GFRA2: variants seen among roughly 807,000 people sequenced by gnomAD.
The protein encoded by GFRA2 is GDNF family receptor alpha 2.
In GFRA2, 17 loss-of-function variants were observed where a neutral mutation model predicts 48.3. That is an observed-to-expected ratio of 0.35 (90% CI 0.24 to 0.53). The LOEUF is 0.53. GFRA2 is among the 20% of genes least tolerant of loss of function. The probability of loss-of-function intolerance (pLI) is 0.93; values close to 1 mark genes in which losing one functional copy is unlikely to be tolerated. For missense variants in GFRA2, 660 were observed against 637.3 expected (o/e 1.04, Z -0.38); for synonymous variants, 305 against 257.2 (o/e 1.19, Z -1.78).
At chr8:21,755,982 C>T (rs1419379227) in intron 3 of GFRA2, among the ~76,000 whole-genome samples, 1 of 152,200 alleles carries the variant, frequency 6.6e-6, no homozygotes, top group East Asian at 1.9e-4. Flanking sequence ...CCCAGGCCAG[C>T]CGTAGGACGC....
intron 4 of GFRA2, among the ~76,000 whole-genome samples, chr8:21,721,168 G>T (rs1004454632): frequency 1.3e-5 from 2 of 152,164 alleles, no homozygotes; most frequent in Non-Finnish European, 2.9e-5. Context: ...CAGATCTTCA[G>T]CTAGCAGCAA....
intron 1 of GFRA2, among the ~76,000 whole-genome samples, chr8:21,783,747 C>G (rs1030602548): frequency 2.6e-5 from 4 of 151,952 alleles, no homozygotes; most frequent in African/African-American, 9.7e-5. Flanking sequence ...TTTTGGCAAG[C>G]CTGGGGAGCA....
chr8:21,740,920 C>T lies in GFRA2; in HGVS notation c.794+9668G>A, dbSNP rs574487773. On this transcript the variant is annotated intron_variant, in intron 4 of 8. Coordinates refer to ENST00000524240, the MANE Select transcript of GFRA2 (RefSeq NM_001495.5). ...CCACAGACCAGGTATATCACTTCTA[C>T]CTCCGAAATATCTCCAATTTATCCA... 2.6e-5 allele frequency among the ~76,000 whole-genome samples: 4 copies of T among 152,346 alleles called. No individual in the cohort carries two copies. In the South Asian group the frequency reaches 6.2e-4, roughly 24 times the overall value.
intron 4 of GFRA2, among the ~76,000 whole-genome samples, chr8:21,728,367 C>T (rs769647967): frequency 4.0e-5 from 6 of 150,384 alleles, no homozygotes; most frequent in Non-Finnish European, 5.9e-5. Flanking sequence ...CTCTGCCTCC[C>T]GGGTTCAAGC....
chr8:21,788,134 A>T lies in GFRA2; in HGVS notation c.26T>A (p.Leu9His), dbSNP rs1807378528. 13 of 1,597,014 alleles carry T rather than the reference A, an allele frequency of 8.1e-6. No individual in the cohort carries two copies. In the Admixed American group the frequency reaches 2.2e-4, roughly 27 times the overall value. The change falls in exon 1 of 9, where the codon CTC (leucine) becomes CAC (histidine). Residue 9 changes from leucine (L) to histidine (H), a missense_variant. Physicochemically the swap from Leu to His is moderately conservative, Grantham distance 99. Transcript: ENST00000524240. MILANVFC[L>H]FFFLDETLRS... ...CAGGTACTCACCTAGAAAGAAGAAG[A>T]GGCAGAAGACGTTTGCCAAGATCAT...
At chr8:21,757,186 C>T (rs1283017088) in intron 3 of GFRA2, among the ~76,000 whole-genome samples, 2 of 152,088 alleles carry the variant, frequency 1.3e-5, no homozygotes, top group East Asian at 1.9e-4. Context: ...CTGAGGAATG[C>T]ACAACCAGAG....
intron 4 of GFRA2, among the ~76,000 whole-genome samples, chr8:21,719,010 C>T (rs4739284): frequency 0.036 from 5,439 of 152,148 alleles, 157 homozygotes; most frequent in Non-Finnish European, 0.055. Context: ...TGCCACCTGC[C>T]TCCTTGGCCC....
intron 2 of GFRA2, among the ~76,000 whole-genome samples, chr8:21,800,762 A>T (rs1318296210): frequency 6.6e-6 from 1 of 152,108 alleles, no homozygotes; most frequent in Non-Finnish European, 1.5e-5. Context: ...CCATCTCTAT[A>T]CAAATAAAAA....
Position 21,788,233 on chromosome 8 carries a change from A to G in GFRA2, c.-74T>C. On this transcript the variant is annotated 5_prime_UTR_variant, in exon 1 of 9. Coordinates refer to ENST00000524240, the MANE Select transcript of GFRA2 (RefSeq NM_001495.5). ...AAATAATAGTAGTAACAACAACAAT[A>G]ATAATAGGCAAGCAGTGGTAATCAG... 1 of 1,572,554 alleles carries G rather than the reference A, an allele frequency of 6.4e-7. No homozygotes were observed. Among genetic ancestry groups the G allele is most frequent in the Non-Finnish European group, 8.6e-7 (1 of 1,160,326 alleles).
chr8:21,705,128 G>A lies in GFRA2; in HGVS notation c.905-3C>T. 1 of 1,607,762 alleles carries A rather than the reference G, an allele frequency of 6.2e-7. No homozygotes were observed. The highest frequency in any genetic ancestry group is 8.5e-7 in the Non-Finnish European group (1 of 1,177,506). On this transcript the variant is annotated splice_region_variant and splice_polypyrimidine_tract_variant and intron_variant, in intron 5 of 8. Transcript: ENST00000524240. ...ATAGTTAGGTGTCATGTCAAACCCTGGGCAGGAAGAAAGGTGGGGGAGAGG... is the reference window on the plus strand; with the variant it reads ...ATAGTTAGGTGTCATGTCAAACCCTAGGCAGGAAGAAAGGTGGGGGAGAGG...
intron 3 of GFRA2, among the ~76,000 whole-genome samples, chr8:21,759,482 G>A (rs1413928152): frequency 7.8e-6 from 1 of 127,426 alleles, no homozygotes; most frequent in Non-Finnish European, 1.7e-5. Context: ...GGGAAAGAAG[G>A]AAAGAAGGAA....
intron 3 of GFRA2, among the ~76,000 whole-genome samples, chr8:21,751,806 G>A (rs1259459759): frequency 6.6e-6 from 1 of 152,130 alleles, no homozygotes; most frequent in Admixed American, 6.5e-5. Flanking sequence ...ATTAAAGATT[G>A]ATCAGGTCCT....
rs1807237647 is a variant in GFRA2, at chr8:21,785,690, C to T, written c.40+2430G>A. Among the ~76,000 whole-genome samples, 3 of 152,164 alleles carry T rather than the reference C, an allele frequency of 2.0e-5. No individual in the cohort carries two copies. The South Asian group carries it at 6.2e-4, about 32-fold the overall frequency. On this transcript the variant is annotated intron_variant, in intron 1 of 8. Coordinates refer to ENST00000524240, the MANE Select transcript of GFRA2 (RefSeq NM_001495.5). Reference sequence around the variant, plus strand: ...TGGCCCCCTCTGGCCAGCCCAACACCCCCACCCGAGTCACTTTCCCCTTCT... The same window carrying T: ...TGGCCCCCTCTGGCCAGCCCAACACTCCCACCCGAGTCACTTTCCCCTTCT...
intron 8 of GFRA2, among the ~76,000 whole-genome samples, chr8:21,694,077 T>TATATA (rs1338101835): frequency 0.078 from 8,472 of 109,212 alleles, 1,097 homozygotes; most frequent in South Asian, 0.17. Context: ...TTATTTATTT[T>TATATA]TATATATATA....
chr8:21,733,185 GAAAT>G (rs1804282885), intron 4 of GFRA2, among the ~76,000 whole-genome samples: 1 of 152,106 alleles, frequency 6.6e-6, no homozygotes, highest in Non-Finnish European at 1.5e-5. Context: ...GCCACCCCCT[GAAAT>G]GTTCCGCATC....
intron 4 of GFRA2, among the ~76,000 whole-genome samples, chr8:21,706,703 C>T (rs1035060015): frequency 5.3e-5 from 8 of 152,298 alleles, no homozygotes; most frequent in Admixed American, 5.2e-4. Context: ...GTGACGGTAA[C>T]ACGCCGCCAC....
intron 3 of GFRA2, among the ~76,000 whole-genome samples, chr8:21,774,335 G>A (rs1413485706): frequency 2.0e-5 from 3 of 152,140 alleles, no homozygotes; most frequent in Non-Finnish European, 2.9e-5. Flanking sequence ...CAATGGAGAC[G>A]GTATCACTTC....
chr8:21,754,628 C>G (rs1005503324), intron 3 of GFRA2, among the ~76,000 whole-genome samples: 2 of 151,440 alleles, frequency 1.3e-5, no homozygotes, highest in Non-Finnish European at 2.9e-5. Context: ...CCTGCTTCAG[C>G]CTCCTGAGTA....
intron 3 of GFRA2, among the ~76,000 whole-genome samples, chr8:21,761,886 G>A (rs1433294445): frequency 6.6e-6 from 1 of 152,110 alleles, no homozygotes; most frequent in East Asian, 1.9e-4. Context: ...GGAGGTGGAA[G>A]TTGCAGTGAG....
Sources: allele counts gnomAD v4.1 joint callset (sites outside exome capture counted in the v4.1 genomes callset), GRCh38; gene constraint gnomAD v4.1.1; transcripts MANE v1.5; gene names NCBI Gene and HGNC (gene_info 2026-07-23, HGNC 2026-07-21).